EML6: variants seen among roughly 807,000 people sequenced by gnomAD.
EML6 encodes the protein echinoderm microtubule-associated protein-like 6.
In EML6, 154 loss-of-function variants were observed where a neutral mutation model predicts 240.1. That is an observed-to-expected ratio of 0.64 (90% CI 0.56 to 0.73). The LOEUF is 0.73. Ranked by LOEUF, EML6 falls within the 30% of genes least tolerant of loss-of-function variation. The pLI, the probability that EML6 is intolerant of heterozygous loss-of-function variation, is 0.00. For synonymous variants in EML6, 1,148 were observed against 899.0 expected, an observed-to-expected ratio of 1.28 and a Z score of -4.95; for missense variants, 2,964 against 2,474.6, an observed-to-expected ratio of 1.20 and a Z score of -4.20.
chr2:54,899,667 G>C lies in EML6; in HGVS notation c.3009G>C (p.Gly1003=). Residue 1003 remains glycine (G), a synonymous_variant, in exon 22 of 42, where the codon GGG becomes GGC. Coordinates refer to ENST00000356458, the MANE Select transcript of EML6 (RefSeq NM_001039753.4). ...VQGHMEGEVW[G]LAAHPLLPIC... is the part of the protein sequence containing the mutation. ...GGCACATGGAAGGAGAAGTGTGGGG[G>C]TTGGCAGCTCACCCTCTCCTGCCCA... 6.4e-7 allele frequency: 1 copy of C among 1,553,846 alleles called. No individual in the cohort carries two copies. The highest frequency in any genetic ancestry group is 1.2e-5 in the South Asian group (1 of 84,166).
At chr2:54,848,539 A>ACACACACACACACACACG (rs1669897058) in intron 9 of EML6, among the ~76,000 whole-genome samples, 1 of 151,990 alleles carries the variant, frequency 6.6e-6, no homozygotes, top group Non-Finnish European at 1.5e-5. Flanking sequence ...ACACACACAC[A>ACACACACACACACACACG]CACACACACA....
chr2:54,959,077 G>T, intron 33 of EML6, 27 bp from the exon 34 acceptor site: 2 of 1,540,764 alleles, frequency 1.3e-6, no homozygotes, highest in Non-Finnish European at 1.8e-6. Context: ...TGTGTTCCGG[G>T]TGTAGAAGAT....
At chr2:54,859,513 T>C (rs1331485939) in intron 11 of EML6, 21 bp from the exon 12 acceptor site, 5 of 1,543,926 alleles carry the variant, frequency 3.2e-6, no homozygotes, top group East Asian at 4.9e-5. Context: ...TAACTAATCC[T>C]CTCAAAAAAT....
At chr2:54,792,794 C>T (rs1164887676) in intron 2 of EML6, among the ~76,000 whole-genome samples, 1 of 152,080 alleles carries the variant, frequency 6.6e-6, no homozygotes, top group Non-Finnish European at 1.5e-5. Flanking sequence ...CGACATTGTT[C>T]ACAAGGGCCT....
intron 2 of EML6, among the ~76,000 whole-genome samples, chr2:54,767,461 T>G (rs1442222761): frequency 6.6e-6 from 1 of 152,158 alleles, no homozygotes; most frequent in African/African-American, 2.4e-5. Context: ...ACTTTTAGTC[T>G]CCAGTCTAAA....
At chr2:54,949,600 T>G (rs1367516992) in intron 29 of EML6, among the ~76,000 whole-genome samples, 1 of 152,156 alleles carries the variant, frequency 6.6e-6, no homozygotes, top group Non-Finnish European at 1.5e-5. Context: ...CTCCACCCTC[T>G]CTCTCTGACA....
At position 54,964,045 on chromosome 2, in the gene EML6, T is replaced by TGG. The variant is rs1405933247; in HGVS notation, c.5220_5221dup (p.Glu1741GlyfsTer8). On this transcript the variant is annotated frameshift_variant, in exon 37 of 42. Transcript: ENST00000356458. LOFTEE classifies it high-confidence loss of function. ...CCAGGTGTGCAGCCTACAGCCCTGA[T>TGG]GGGGAGATGGTGGCCATTGGCATGA... 1.9e-6 allele frequency: 3 copies of TGG among 1,551,560 alleles called. No individual in the cohort carries two copies. In the African/African-American group the frequency reaches 4.1e-5, roughly 21 times the overall value.
At chr2:54,953,935 T>A in intron 31 of EML6, 48 bp from the exon 32 acceptor site, 1 of 1,393,022 alleles carries the variant, frequency 7.2e-7, no homozygotes, top group Non-Finnish European at 9.8e-7. Flanking sequence ...TCGCCTTGGC[T>A]CTGCCATTTG....
chr2:54,821,926 A>C (rs1668353016), intron 5 of EML6, among the ~76,000 whole-genome samples: 1 of 150,228 alleles, frequency 6.7e-6, no homozygotes, highest in African/African-American at 2.4e-5. Flanking sequence ...ATGTAAAAGC[A>C]AAGAAATCGT....
intron 4 of EML6, among the ~76,000 whole-genome samples, chr2:54,819,632 T>G (rs541736307): frequency 1.3e-5 from 2 of 151,858 alleles, no homozygotes; most frequent in African/African-American, 2.4e-5. Flanking sequence ...AAAAATTAAC[T>G]GGGCGTGGTG....
intron 2 of EML6, among the ~76,000 whole-genome samples, chr2:54,770,724 T>A (rs771207720): frequency 6.6e-6 from 1 of 152,214 alleles, no homozygotes; most frequent in African/African-American, 2.4e-5. Flanking sequence ...CTGTCGTTAG[T>A]TGATACAGTT....
Position 54,724,929 on chromosome 2 carries a change from G to A in EML6, c.-133G>A, listed in dbSNP as rs1682834646. 6.2e-6 allele frequency: 4 copies of A among 641,382 alleles called. No homozygotes were observed. Among genetic ancestry groups the A allele is most frequent in the South Asian group, 1.5e-4 (2 of 13,272 alleles). 39.7% of individuals were successfully genotyped at this position (641,382 alleles called of 1,614,324 possible). ...ATGGTGGCGGCCGGCCCGCTGGGCT[G>A]TGCCTGTGTGTCGCCGCGGAAATCA... On this transcript the variant is annotated 5_prime_UTR_variant, in exon 2 of 42. The change creates a new upstream start codon in the 5' untranslated region. Transcript: ENST00000356458. The surrounding 1 kb of genome is among the most constrained non-coding windows in gnomAD (Gnocchi z 5.2).
intron 2 of EML6, among the ~76,000 whole-genome samples, chr2:54,739,920 C>G (rs1201984950): frequency 1.3e-5 from 2 of 152,052 alleles, no homozygotes; most frequent in African/African-American, 4.8e-5. Context: ...ACTCTTGATT[C>G]CTGGTGATGG....
intron 2 of EML6, among the ~76,000 whole-genome samples, chr2:54,767,570 C>G (rs1489970066): frequency 6.7e-6 from 1 of 149,654 alleles, no homozygotes; most frequent in Non-Finnish European, 1.5e-5. Context: ...CCTGCCTGGA[C>G]CTATACAGTA....
At chr2:54,903,748 G>T (rs1280515109) in intron 24 of EML6, among the ~76,000 whole-genome samples, 5 of 152,204 alleles carry the variant, frequency 3.3e-5, no homozygotes, top group African/African-American at 1.2e-4. Flanking sequence ...TTTTAAGACA[G>T]TTAAAGATAC....
intron 2 of EML6, among the ~76,000 whole-genome samples, chr2:54,754,750 C>T (rs756307642): frequency 6.6e-6 from 1 of 152,082 alleles, no homozygotes; most frequent in Non-Finnish European, 1.5e-5. Flanking sequence ...TGAAATATTT[C>T]CCCAATTCAG....
intron 35 of EML6, among the ~76,000 whole-genome samples, chr2:54,961,184 G>GTTGTGTTTTT: frequency 1.8e-5 from 1 of 55,424 alleles, no homozygotes. Context: ...TCAGGAAGTA[G>GTTGTGTTTTT]TTTTTTTTTT....
intron 2 of EML6, among the ~76,000 whole-genome samples, chr2:54,788,061 A>AC (rs1198663242): frequency 2.6e-5 from 4 of 151,254 alleles, no homozygotes; most frequent in African/African-American, 2.4e-5. Flanking sequence ...GGTAAATTAG[A>AC]CCCCCTCCCT....
At chr2:54,844,476 A>AATAC (rs1669644151) in intron 8 of EML6, among the ~76,000 whole-genome samples, 1 of 152,166 alleles carries the variant, frequency 6.6e-6, no homozygotes, top group Non-Finnish European at 1.5e-5. Flanking sequence ...AAAATGCTTC[A>AATAC]ATACTGGTGA....
Sources: gnomAD v4.1 joint callset for allele counts (sites outside exome capture counted in the v4.1 genomes callset) on GRCh38, gnomAD v4.1.1 for gene constraint, Gnocchi (gnomAD v3.1) non-coding constraint, MANE v1.5 for transcripts, NCBI Gene and HGNC (gene_info 2026-07-23, HGNC 2026-07-21) for gene names.